ZMAT4: variants seen among roughly 807,000 people sequenced by gnomAD.
ZMAT4 encodes zinc finger matrin-type protein 4.
A neutral mutation model predicts 28.7 loss-of-function variants in ZMAT4; 17 were observed. That is an observed-to-expected ratio of 0.59 (90% CI 0.41 to 0.89). ZMAT4 has a LOEUF of 0.89. Ranked by LOEUF, ZMAT4 falls within the 40% of genes least tolerant of loss-of-function variation. The probability of loss-of-function intolerance (pLI) is 0.00; values close to 1 mark genes in which losing one functional copy is unlikely to be tolerated. For missense variants in ZMAT4, 240 were observed against 283.8 expected (o/e 0.85, Z 1.11); for synonymous variants, 117 against 109.2 (o/e 1.07, Z -0.44).
At chr8:40,737,195 C>T (rs1372077559) in intron 3 of ZMAT4, among the ~76,000 whole-genome samples, 1 of 145,734 alleles carries the variant, frequency 6.9e-6, no homozygotes, top group Non-Finnish European at 1.5e-5. Context: ...TTTCTTAAAA[C>T]ATTATGAGAT....
intron 3 of ZMAT4, among the ~76,000 whole-genome samples, chr8:40,719,680 G>A (rs550131306): frequency 2.0e-5 from 3 of 151,914 alleles, no homozygotes; most frequent in East Asian, 1.9e-4. Flanking sequence ...AGTGATTCTC[G>A]TGCCTCAGGC....
At chr8:40,648,378 A>G (rs2118800782) in intron 5 of ZMAT4, among the ~76,000 whole-genome samples, 1 of 149,408 alleles carries the variant, frequency 6.7e-6, no homozygotes, top group African/African-American at 2.5e-5. Context: ...TAGAGAAAAA[A>G]GAATAAAAAG....
chr8:40,618,763 G>C lies in ZMAT4; in HGVS notation c.578-37502C>G, dbSNP rs530048995. ...TGGCTCCCTCACGACAGCACTGCAG[G>C]CACCTGAAAAGCACAGTTTCCTGCC... On this transcript the variant is annotated intron_variant, in intron 5 of 6. Transcript: ENST00000297737. Among the ~76,000 whole-genome samples the C allele has an allele frequency of 3.3e-5, 5 of 152,168 alleles. No individual in the cohort carries two copies. The South Asian group carries it at 1.0e-3, about 32-fold the overall frequency.
At chr8:40,659,103 C>T (rs889656647) in intron 5 of ZMAT4, among the ~76,000 whole-genome samples, 9 of 152,238 alleles carry the variant, frequency 5.9e-5, no homozygotes, top group African/African-American at 2.2e-4. Context: ...TTAGAAACAA[C>T]ATATATGATC....
chr8:40,896,976 T>TC (rs1265635677), intron 1 of ZMAT4, among the ~76,000 whole-genome samples: 2 of 150,860 alleles, frequency 1.3e-5, no homozygotes, highest in Non-Finnish European at 3.0e-5. Context: ...GCTTTTTCTT[T>TC]TTTTTTTTTT....
chr8:40,534,874 G>C (rs1452915818), intron 6 of ZMAT4, among the ~76,000 whole-genome samples: 2 of 151,816 alleles, frequency 1.3e-5, no homozygotes, highest in Non-Finnish European at 2.9e-5. Context: ...GTAGATACAG[G>C]GTTTTGCCAT....
chr8:40,549,868 C>T (rs1803314691), intron 6 of ZMAT4, among the ~76,000 whole-genome samples: 1 of 152,202 alleles, frequency 6.6e-6, no homozygotes, highest in Non-Finnish European at 1.5e-5. Flanking sequence ...GTCTAATGTA[C>T]TGAGAATTTC....
intron 3 of ZMAT4, among the ~76,000 whole-genome samples, chr8:40,743,325 T>C (rs969002236): frequency 6.6e-6 from 1 of 152,168 alleles, no homozygotes; most frequent in Non-Finnish European, 1.5e-5. Flanking sequence ...GGATGACAGC[T>C]GAACAGGGAG....
intron 2 of ZMAT4, among the ~76,000 whole-genome samples, chr8:40,781,772 A>AAAAAAAG (rs1813841914): frequency 6.8e-6 from 1 of 147,340 alleles, no homozygotes; most frequent in Non-Finnish European, 1.5e-5. Context: ...AAAAAAAAAA[A>AAAAAAAG]AAAAAAAAAA....
At chr8:40,746,227 CCCTCCCTCCCTCCCT>C in intron 3 of ZMAT4, among the ~76,000 whole-genome samples, 1 of 6,768 alleles carries the variant, frequency 1.5e-4, no homozygotes, top group Non-Finnish European at 3.6e-4. Context: ...CTCCTTCCCT[CCCTCCCTCCCTCCCT>C]CCCTCCCTCC....
intron 2 of ZMAT4, among the ~76,000 whole-genome samples, chr8:40,804,748 G>A (rs6985085): frequency 0.43 from 65,460 of 151,456 alleles, 14,529 homozygotes; most frequent in Middle Eastern, 0.55. Flanking sequence ...GGCTGAGGCA[G>A]GAAAATTGCT....
chr8:40,621,893 G>A (rs1251425581), intron 5 of ZMAT4, among the ~76,000 whole-genome samples: 5 of 152,112 alleles, frequency 3.3e-5, no homozygotes, highest in Non-Finnish European at 7.3e-5. Flanking sequence ...CCCACCTATG[G>A]TTTTCCTATT....
In ZMAT4 at chr8:40,777,081, T is replaced by C. The variant is rs112149843; in HGVS notation, c.103-9351A>G. ...AGAACTAGTATTTCATTAAATACTT[T>C]TGATTTTGACATAAAACAGAACAAC... On this transcript the variant is annotated intron_variant, in intron 2 of 6. Coordinates refer to ENST00000297737, the MANE Select transcript of ZMAT4 (RefSeq NM_024645.3). Among the ~76,000 whole-genome samples, 238 of 152,310 alleles carry C rather than the reference T, an allele frequency of 1.6e-3. 1 individual carries two copies. The highest frequency in any genetic ancestry group is 5.4e-3 in the African/African-American group (223 of 41,566).
intron 5 of ZMAT4, among the ~76,000 whole-genome samples, chr8:40,670,111 A>C (rs1449834909): frequency 2.0e-5 from 3 of 152,214 alleles, no homozygotes; most frequent in Non-Finnish European, 4.4e-5. Context: ...AGAAAGAAGA[A>C]GAAAGTTGGA....
At chr8:40,768,699 C>G (rs952612015) in intron 2 of ZMAT4, among the ~76,000 whole-genome samples, 35 of 143,516 alleles carry the variant, frequency 2.4e-4, no homozygotes, top group African/African-American at 8.6e-4. Flanking sequence ...GCTAGGGTGT[C>G]ATAAGAATCA....
chr8:40,557,891 A>T (rs950246890), intron 6 of ZMAT4, among the ~76,000 whole-genome samples: 6 of 152,180 alleles, frequency 3.9e-5, no homozygotes, highest in Non-Finnish European at 8.8e-5. Flanking sequence ...TGATAGATTG[A>T]TATGATAAAA....
intron 4 of ZMAT4, among the ~76,000 whole-genome samples, chr8:40,692,989 A>C (rs1434361874): frequency 6.6e-6 from 1 of 152,176 alleles, no homozygotes; most frequent in Non-Finnish European, 1.5e-5. Flanking sequence ...TGTCCCCTCA[A>C]ATTTATGTCC....
At chr8:40,704,570 A>G (rs1810275904) in intron 3 of ZMAT4, among the ~76,000 whole-genome samples, 1 of 152,146 alleles carries the variant, frequency 6.6e-6, no homozygotes, top group Non-Finnish European at 1.5e-5. Context: ...TTGTTTTAGA[A>G]TTGTCTTTCT....
intron 1 of ZMAT4, among the ~76,000 whole-genome samples, chr8:40,863,462 C>T (rs1229733241): frequency 1.3e-5 from 2 of 152,142 alleles, no homozygotes; most frequent in Non-Finnish European, 2.9e-5. Context: ...GAATCAAGAA[C>T]TACCCTCTGG....
Sources: allele counts gnomAD v4.1 joint callset (sites outside exome capture counted in the v4.1 genomes callset), GRCh38; gene constraint gnomAD v4.1.1; transcripts MANE v1.5; gene names NCBI Gene and HGNC (gene_info 2026-07-23, HGNC 2026-07-21).